SCAPER: variants seen among roughly 807,000 people sequenced by gnomAD.
SCAPER encodes S-phase cyclin A associated protein in the ER.
Under a neutral mutation model 182.2 loss-of-function variants are expected in SCAPER, and 98 were observed. That is an observed-to-expected ratio of 0.54 (90% confidence interval 0.46 to 0.64). SCAPER has a LOEUF of 0.64. Among genes scored for constraint, SCAPER ranks in the 30% least tolerant of loss-of-function variants. The pLI is 0.00. For synonymous variants in SCAPER, 605 were observed against 564.6 expected (o/e 1.07, Z -1.01); for missense variants, 1,432 against 1,690.0 (o/e 0.85, Z 2.68).
At chr15:76,430,572 T>A (rs1391166377) in intron 26 of SCAPER, among the ~76,000 whole-genome samples, 1 of 152,232 alleles carries the variant, frequency 6.6e-6, no homozygotes, top group African/African-American at 2.4e-5. Context: ...CTGTTGGATT[T>A]GGACTGGCAT....
In SCAPER at chr15:76,791,809, C is replaced by A. The variant is rs370308282; in HGVS notation, c.772+3471G>T. 3.6e-4 allele frequency among the ~76,000 whole-genome samples: 55 copies of A among 152,132 alleles called. 4 individuals carry two copies. The South Asian group carries it at 0.011, about 32-fold the overall frequency. ...GAATGCAGTGGCCTTGGCGAACATTCTAGCTTTTCATTTGAGACCCCAAAA... is the reference window on the plus strand; with the variant it reads ...GAATGCAGTGGCCTTGGCGAACATTATAGCTTTTCATTTGAGACCCCAAAA... On this transcript the variant is annotated intron_variant, in intron 8 of 31. Coordinates refer to ENST00000563290, the MANE Select transcript of SCAPER (RefSeq NM_020843.4).
intron 27 of SCAPER, among the ~76,000 whole-genome samples, chr15:76,382,640 T>C (rs564463733): frequency 7.9e-5 from 12 of 152,296 alleles, no homozygotes; most frequent in African/African-American, 2.9e-4. Flanking sequence ...TCATAGCCAA[T>C]ATGCTTCACA....
chr15:76,737,488 A>G (rs1374001971), intron 15 of SCAPER, among the ~76,000 whole-genome samples: 1 of 152,272 alleles, frequency 6.6e-6, no homozygotes, highest in Non-Finnish European at 1.5e-5. Context: ...TATAGAGTAT[A>G]GACAGAATAG....
At chr15:76,632,205 T>C (rs541931790) in intron 21 of SCAPER, among the ~76,000 whole-genome samples, 2 of 152,274 alleles carry the variant, frequency 1.3e-5, no homozygotes, top group Admixed American at 6.5e-5. Context: ...TGTTTGTTTG[T>C]TTGAGACAGA....
In SCAPER at chr15:76,804,616, C is replaced by T. The variant is rs759698906; in HGVS notation, c.411G>A (p.Leu137=). 1.4e-5 allele frequency: 23 copies of T among 1,606,626 alleles called. No homozygotes were observed. The Admixed American group carries it at 3.9e-4, about 27-fold the overall frequency. ...VVECKEVLMM[L]DNYVRDFKAL... ...CTTTGAAATCTCTTACATAGTTATCCAGCATCATTAGCACCTCCTAAAAGA... is the reference window on the plus strand; with the variant it reads ...CTTTGAAATCTCTTACATAGTTATCTAGCATCATTAGCACCTCCTAAAAGA... Residue 137 remains leucine (L), a synonymous_variant, in exon 6 of 32, where the codon CTG becomes CTA. Transcript: ENST00000563290.
At chr15:76,487,031 T>TG (rs1419336564) in intron 24 of SCAPER, among the ~76,000 whole-genome samples, 6 of 152,052 alleles carry the variant, frequency 3.9e-5, no homozygotes, top group Non-Finnish European at 8.8e-5. Flanking sequence ...ATGTCCTTTG[T>TG]GGGGATATGG....
At chr15:76,887,661 G>C (rs1427334417) in intron 1 of SCAPER, among the ~76,000 whole-genome samples, 1 of 152,162 alleles carries the variant, frequency 6.6e-6, no homozygotes, top group African/African-American at 2.4e-5. Flanking sequence ...GCTCGAACTA[G>C]GCAGAGCCCC....
At chr15:76,608,313 C>T (rs2120109) in intron 22 of SCAPER, among the ~76,000 whole-genome samples, 41,380 of 151,894 alleles carry the variant, frequency 0.27, 6,349 homozygotes, top group East Asian at 0.55. Flanking sequence ...GTATCAGCAG[C>T]GGTGGCTGCA....
At chr15:76,668,648 C>T (rs1157838030) in intron 20 of SCAPER, among the ~76,000 whole-genome samples, 1 of 152,138 alleles carries the variant, frequency 6.6e-6, no homozygotes. Context: ...TTGTCATCTC[C>T]TTATTTCTTC....
At chr15:76,829,461 T>C (rs1568274959) in intron 5 of SCAPER, among the ~76,000 whole-genome samples, 1 of 152,168 alleles carries the variant, frequency 6.6e-6, no homozygotes, top group Non-Finnish European at 1.5e-5. Context: ...TACTCACTCC[T>C]CCATGTCCAA....
chr15:76,755,437 C>T (rs1047028779), intron 14 of SCAPER, among the ~76,000 whole-genome samples: 4 of 152,178 alleles, frequency 2.6e-5, no homozygotes, highest in African/African-American at 9.7e-5. Flanking sequence ...ATTTAAATCA[C>T]ACACTAAAAG....
At chr15:76,542,548 AAAAATAAAAT>A (rs371485796) in intron 23 of SCAPER, among the ~76,000 whole-genome samples, 4,302 of 149,718 alleles carry the variant, frequency 0.029, 190 homozygotes, top group African/African-American at 0.093. Context: ...ATAAATAAAT[AAAAATAAAAT>A]AAAATAAAAT....
chr15:76,901,220 A>ACGC (rs1387442791), intron 1 of SCAPER, among the ~76,000 whole-genome samples: 3 of 152,182 alleles, frequency 2.0e-5, no homozygotes, highest in Admixed American at 1.3e-4. Flanking sequence ...ACAGAGCAAG[A>ACGC]CGCCGTCTCA....
At chr15:76,726,959 C>T (rs1266558463) in intron 17 of SCAPER, among the ~76,000 whole-genome samples, 3 of 151,796 alleles carry the variant, frequency 2.0e-5, no homozygotes, top group African/African-American at 7.3e-5. Context: ...TACTCAAGGC[C>T]ACTGGACTGT....
At chr15:76,758,054 T>C (rs28823285) in intron 14 of SCAPER, among the ~76,000 whole-genome samples, 51,174 of 152,020 alleles carry the variant, frequency 0.34, 8,893 homozygotes, top group East Asian at 0.55. Context: ...TGTCTTTTCA[T>C]TTTGATAATT....
intron 26 of SCAPER, among the ~76,000 whole-genome samples, chr15:76,409,954 A>AT (rs534239321): frequency 0.089 from 12,212 of 137,058 alleles, 665 homozygotes; most frequent in African/African-American, 0.15. Flanking sequence ...GGCCTGGCTA[A>AT]TTTTTTTTTT....
intron 4 of SCAPER, among the ~76,000 whole-genome samples, chr15:76,853,509 T>C (rs762666049): frequency 1.1e-4 from 17 of 151,642 alleles, no homozygotes; most frequent in Non-Finnish European, 2.4e-4. Flanking sequence ...TGCTTCAGCA[T>C]AGGCAAATCA....
At chr15:76,677,621 C>T (rs2057441740) in intron 20 of SCAPER, among the ~76,000 whole-genome samples, 1 of 151,556 alleles carries the variant, frequency 6.6e-6, no homozygotes, top group South Asian at 2.1e-4. Context: ...TTAAACAACA[C>T]TGCTATAGTT....
In SCAPER at chr15:76,592,767, T is replaced by C. The variant is rs1487816918; in HGVS notation, c.2712-18483A>G. 4.9e-5 allele frequency among the ~76,000 whole-genome samples: 6 copies of C among 121,346 alleles called. 2 individuals carry two copies. The highest frequency in any genetic ancestry group is 1.2e-4 in the Non-Finnish European group (6 of 49,698). The allele number at this position is 121,346 out of a possible 152,430, so 79.6% of individuals were successfully genotyped here. A position where few individuals can be genotyped will look rare whatever the true frequency, so the allele number is the denominator to read the frequency against. ...AAGGGAAGCCTTGAGGGACTGTGCC[T>C]TGAGGAATGGTGCACTCCAGCCCAG... On this transcript the variant is annotated intron_variant, in intron 22 of 31. Coordinates refer to ENST00000563290, the MANE Select transcript of SCAPER (RefSeq NM_020843.4).
Sources: allele counts gnomAD v4.1 joint callset (sites outside exome capture counted in the v4.1 genomes callset), GRCh38; gene constraint gnomAD v4.1.1; transcripts MANE v1.5; gene names NCBI Gene and HGNC (gene_info 2026-07-23, HGNC 2026-07-21).